The following B4GALNT2 variants were observed in gnomAD, a reference collection of about 807,000 sequenced individuals.
B4GALNT2 encodes the protein N-acetylneuraminylgalactosylglucosyl-glucoside beta-1,4-N- acetylgalactosaminyltransferase 2.
B4GALNT2 carries 42 observed loss-of-function variants against 51.1 expected under a neutral mutation model. The observed-to-expected ratio is 0.82, with a 90% CI of 0.64 to 1.06. The LOEUF (loss-of-function observed/expected upper bound fraction) is 1.06, where lower values mean the gene tolerates loss of function less well. Ranked by LOEUF, B4GALNT2 falls within the 50% of genes least tolerant of loss-of-function variation. The pLI is 0.00. For missense variants in B4GALNT2, 602 were observed against 633.6 expected, an observed-to-expected ratio of 0.95 and a Z score of 0.54; for synonymous variants, 253 against 251.7, an observed-to-expected ratio of 1.01 and a Z score of -0.05.
chr17:49,120,464 T>G, the B4GALNT2 span, among the ~76,000 whole-genome samples: 2 of 142,152 alleles, frequency 1.4e-5, no homozygotes, highest in African/African-American at 5.3e-5. Context: ...GAGGAGTCTT[T>G]TGTGTGTGTG....
the B4GALNT2 span, among the ~76,000 whole-genome samples, chr17:49,120,464 TTGTGTGTGTGTGTGTGTGTCTGTGTGTG>T: frequency 1.5e-4 from 22 of 142,254 alleles, no homozygotes; most frequent in Non-Finnish European, 3.2e-4. Context: ...GAGGAGTCTT[TTGTGTGTGTGTGTGTGTGTCTGTGTGTG>T]TGTGTGTGTG....
chr17:49,121,493 G>A, the B4GALNT2 span, among the ~76,000 whole-genome samples: 3 of 152,192 alleles, frequency 2.0e-5, no homozygotes, highest in Non-Finnish European at 2.9e-5. Context: ...CATAAGGGAC[G>A]AGTAGACAGG....
In B4GALNT2 at chr17:49,135,603, C is replaced by T. The variant is rs78215354; in HGVS notation, c.14+2797C>T. Among the ~76,000 whole-genome samples the T allele has an allele frequency of 7.9e-5, 12 of 152,038 alleles. No homozygotes were observed. In the East Asian group the frequency reaches 2.1e-3, roughly 27 times the overall value. On this transcript the variant is annotated intron_variant, in intron 1 of 10. Transcript: ENST00000393354. ...TCTTCCTTGCTATTCTTATGTGTTA[C>T]TTCTAATAAATTTTAGAGTCATTTT...
rs1304415840 is a variant in B4GALNT2 at position 49,168,785 on chromosome 17, G to A, written c.1200G>A (p.Leu400=). The A allele has an allele frequency of 1.2e-6, 2 of 1,613,996 alleles. No homozygotes were observed. Among genetic ancestry groups the A allele is most frequent in the Non-Finnish European group, 1.7e-6 (2 of 1,180,034 alleles). Residue 400 remains leucine (L), a synonymous_variant, in exon 10 of 11, where the codon CTG becomes CTA. Coordinates refer to ENST00000393354, the MANE Select transcript of B4GALNT2 (RefSeq NM_001159387.2). The stretch of plus-strand genomic sequence containing the variant: ...AGAGGATGGGATTTTTCCAACCCCT[G>A]GATGGCTTCCCCAGCTGCGTGGTGA... ...LHKRMGFFQP[L]DGFPSCVVTS...
At chr17:49,126,530 A>T in the B4GALNT2 span, among the ~76,000 whole-genome samples, 2 of 149,740 alleles carry the variant, frequency 1.3e-5, no homozygotes, top group African/African-American at 4.9e-5. Context: ...CGTGTGTCCT[A>T]GGACTTACCT....
At position 49,169,520 on chromosome 17, in the gene B4GALNT2, C is replaced by T. The variant is rs1335251398; in HGVS notation, c.1316-3C>T. ...CTTCCTTCTGCTCTCCCTCTCTTTG[C>T]AGAATTCTTCATTGATGGGCTAGGG... On this transcript the variant is annotated splice_region_variant and splice_polypyrimidine_tract_variant and intron_variant, in intron 10 of 10. Transcript: ENST00000393354. 6.2e-7 allele frequency: 1 copy of T among 1,610,196 alleles called. No homozygotes were observed. Among genetic ancestry groups the T allele is most frequent in the Admixed American group, 1.7e-5 (1 of 59,990 alleles).
intron 1 of B4GALNT2, among the ~76,000 whole-genome samples, chr17:49,137,596 AC>A (rs1308239269): frequency 6.6e-6 from 1 of 152,220 alleles, no homozygotes; most frequent in Non-Finnish European, 1.5e-5. Context: ...TACAAACCAG[AC>A]CAAGGCAGTG....
chr17:49,160,461 C>T, intron 6 of B4GALNT2, 94 bp from the exon 7 acceptor site: 3 of 1,169,242 alleles, frequency 2.6e-6, no homozygotes, highest in Middle Eastern at 1.9e-4. Context: ...CCCCACCAAA[C>T]CTGTACTCGC....
At chr17:49,165,314 TTCTC>T (rs1450757340) in intron 8 of B4GALNT2, among the ~76,000 whole-genome samples, 1 of 147,198 alleles carries the variant, frequency 6.8e-6, no homozygotes, top group East Asian at 2.1e-4. Context: ...CACTCTCTCT[TTCTC>T]TCTCCTTCTC....
In B4GALNT2 at chr17:49,140,984, T is replaced by G. The variant is rs528078157; in HGVS notation, c.15-263T>G. On this transcript the variant is annotated intron_variant, in intron 1 of 10. Coordinates refer to ENST00000393354, the MANE Select transcript of B4GALNT2 (RefSeq NM_001159387.2). ...CGCCTGCCTCGGCCTCCCAAAATGC[T>G]GGGATTACAGGTGTGAGCCACCGTG... is the stretch of plus-strand genomic sequence containing the variant. Among the ~76,000 whole-genome samples the G allele has an allele frequency of 3.3e-5, 5 of 152,230 alleles. No homozygotes were observed. The South Asian group carries it at 1.0e-3, about 32-fold the overall frequency.
chr17:49,133,095 T>G (rs765479172), intron 1 of B4GALNT2: 7 of 1,520,138 alleles, frequency 4.6e-6, no homozygotes, highest in Non-Finnish European at 6.1e-6. Context: ...GGAATGTGTC[T>G]CGGGGACGCC....
chr17:49,128,343 G>A (rs77469827), upstream of B4GALNT2, among the ~76,000 whole-genome samples: 1,391 of 152,260 alleles, frequency 9.1e-3, 10 homozygotes, highest in Admixed American at 0.017. Flanking sequence ...GTTTGGGGCT[G>A]AAGGCTTGCG....
At chr17:49,132,683 C>G, upstream of B4GALNT2, 1 of 1,309,576 alleles carries the variant, frequency 7.6e-7, no homozygotes, top group East Asian at 3.1e-5. Context: ...GCGTCCTGCA[C>G]CTGCCCTACT....
chr17:49,150,402 A>G (rs1392651796), intron 3 of B4GALNT2, among the ~76,000 whole-genome samples: 1 of 152,000 alleles, frequency 6.6e-6, no homozygotes. Context: ...CTGCCTGGCC[A>G]CCACCCCGTC....
chr17:49,133,260 A>G lies in B4GALNT2; in HGVS notation c.14+454A>G, dbSNP rs1391322409. The G allele has an allele frequency of 5.5e-6, 8 of 1,448,282 alleles. No homozygotes were observed. In the South Asian group the frequency reaches 7.2e-5, roughly 13 times the overall value. The allele number at this position is 1,448,282 out of a possible 1,614,324, so 89.7% of individuals were successfully genotyped here. A position where few individuals can be genotyped will look rare whatever the true frequency, so the allele number is the denominator to read the frequency against. On this transcript the variant is annotated intron_variant, in intron 1 of 10. Transcript: ENST00000393354. ...GGCGCGGGGACTGCGGGCTGTGGACAGTCGGGGAGCCCGGCGGCTTGGTCT... is the reference window on the plus strand; with the variant it reads ...GGCGCGGGGACTGCGGGCTGTGGACGGTCGGGGAGCCCGGCGGCTTGGTCT...
chr17:49,168,656 A>C, intron 9 of B4GALNT2, 25 bp from the exon 10 acceptor site: 8 of 1,607,178 alleles, frequency 5.0e-6, no homozygotes, highest in Non-Finnish European at 6.8e-6. Flanking sequence ...GCACTCTAAC[A>C]TGGATTTCTC....
At chr17:49,148,691 C>G (rs2042720937) in intron 3 of B4GALNT2, 1 of 560,098 alleles carries the variant, frequency 1.8e-6, no homozygotes, top group Non-Finnish European at 3.3e-6. Flanking sequence ...GGTCGGGCAC[C>G]TTCTTGTCTG....
chr17:49,140,304 G>A (rs571387726), intron 1 of B4GALNT2, among the ~76,000 whole-genome samples: 87 of 152,110 alleles, frequency 5.7e-4, no homozygotes, highest in Non-Finnish European at 1.2e-3. Context: ...GTTTCACCAT[G>A]TTAGCCAGGA....
intron 4 of B4GALNT2, among the ~76,000 whole-genome samples, chr17:49,156,175 C>T (rs2042808014): frequency 6.6e-6 from 1 of 152,180 alleles, no homozygotes; most frequent in Non-Finnish European, 1.5e-5. Context: ...CCCACTGTCC[C>T]TCTCCCTGGC....
Sources: allele counts gnomAD v4.1 joint callset (sites outside exome capture counted in the v4.1 genomes callset), GRCh38; gene constraint gnomAD v4.1.1; transcripts MANE v1.5; gene names NCBI Gene and HGNC (gene_info 2026-07-23, HGNC 2026-07-21).